Variants in KLHL4 observed in about 807,000 individuals in gnomAD.
KLHL4 encodes kelch like family member 4.
KLHL4 carries 17 observed loss-of-function variants against 45.8 expected under a neutral mutation model. The ratio of observed to expected loss-of-function variants is 0.37; its 90% CI spans 0.25 to 0.56. The LOEUF is 0.56. KLHL4 is among the 20% of genes least tolerant of loss of function. The pLI, the probability that KLHL4 is intolerant of heterozygous loss-of-function variation, is 0.79. For missense variants in KLHL4, 544 were observed against 544.9 expected, an observed-to-expected ratio of 1.00 and a Z score of 0.02; for synonymous variants, 224 against 189.9, an observed-to-expected ratio of 1.18 and a Z score of -1.47.
At chrX:87,641,754 C>G (rs925553163) in intron 9 of KLHL4, among the ~76,000 whole-genome samples, 1 of 110,650 alleles carries the variant, frequency 9.0e-6, no homozygotes, top group Non-Finnish European at 1.9e-5. Flanking sequence ...CTGGGTGAGA[C>G]CTGTGACTGC....
rs78728711 is a variant in KLHL4, at chrX:87,529,064, GAA to G, written c.422+10759_422+10760del. Among the ~76,000 whole-genome samples the G allele has an allele frequency of 5.9e-5, 6 of 101,919 alleles. No individual in the cohort carries two copies. The East Asian group carries it at 9.4e-4, about 16-fold the overall frequency. 88.5% of individuals were successfully genotyped at this position (101,919 alleles called of 115,157 possible). Reference sequence around the variant, plus strand: ...AATTATATATTCAAAGTGATAAAAGGAAAAAAAAAAACCATTGTCTTTCACTA... The same window carrying G: ...AATTATATATTCAAAGTGATAAAAGGAAAAAAAAACCATTGTCTTTCACTA... On this transcript the variant is annotated intron_variant, in intron 1 of 10. Coordinates refer to ENST00000373119, the MANE Select transcript of KLHL4 (RefSeq NM_019117.5).
intron 3 of KLHL4, among the ~76,000 whole-genome samples, 168 bp from the exon 4 acceptor site, chrX:87,617,764 G>A (rs995875994): frequency 2.7e-5 from 3 of 111,381 alleles, no homozygotes; most frequent in African/African-American, 9.8e-5. Context: ...CATCTTATTA[G>A]TGTTTACAGA....
At chrX:87,628,190 A>C (rs2147821629) in intron 6 of KLHL4, among the ~76,000 whole-genome samples, 1 of 111,949 alleles carries the variant, frequency 8.9e-6, no homozygotes, top group South Asian at 3.7e-4. Flanking sequence ...ATGTTACAAT[A>C]ATGTTACCGT....
chrX:87,589,978 C>T (rs1173330984), intron 1 of KLHL4, among the ~76,000 whole-genome samples: 2 of 103,884 alleles, frequency 1.9e-5, no homozygotes, highest in East Asian at 3.2e-4. Flanking sequence ...GCGGAGGTTG[C>T]GGTGAGCCAA....
intron 1 of KLHL4, among the ~76,000 whole-genome samples, chrX:87,576,342 T>C (rs761603443): frequency 1.8e-5 from 2 of 111,780 alleles, no homozygotes; most frequent in African/African-American, 6.5e-5. Context: ...AAAAAAACTT[T>C]ATATGCCAAG....
chrX:87,644,801 A>T (rs1257884841), intron 9 of KLHL4, among the ~76,000 whole-genome samples: 1 of 111,795 alleles, frequency 8.9e-6, no homozygotes, highest in Non-Finnish European at 1.9e-5. Flanking sequence ...AAAGTGGGAA[A>T]AGAACACTGT....
chrX:87,580,460 C>T (rs1207983540), intron 1 of KLHL4, among the ~76,000 whole-genome samples: 3 of 110,849 alleles, frequency 2.7e-5, no homozygotes, highest in African/African-American at 9.8e-5. Context: ...CAACTTTATG[C>T]TGCCTAGAAG....
intron 1 of KLHL4, among the ~76,000 whole-genome samples, chrX:87,567,700 C>A (rs748008330): frequency 2.7e-5 from 3 of 111,357 alleles, no homozygotes; most frequent in Non-Finnish European, 5.7e-5. Flanking sequence ...CGAATTAATG[C>A]AGAAACAGAA....
intron 1 of KLHL4, among the ~76,000 whole-genome samples, chrX:87,538,356 C>G (rs1186086489): frequency 9.0e-6 from 1 of 111,461 alleles, no homozygotes; most frequent in East Asian, 2.8e-4. Flanking sequence ...GCCTAAATAT[C>G]TGAGTGTGAA....
chrX:87,538,823 G>C (rs940091600), intron 1 of KLHL4, among the ~76,000 whole-genome samples: 21 of 111,384 alleles, frequency 1.9e-4, no homozygotes, highest in Admixed American at 9.6e-5. Context: ...TGGAAATTTA[G>C]AGAAACAATA....
At chrX:87,568,669 A>G (rs891412854) in intron 1 of KLHL4, among the ~76,000 whole-genome samples, 1 of 110,970 alleles carries the variant, frequency 9.0e-6, no homozygotes, top group Non-Finnish European at 1.9e-5. Flanking sequence ...ACAAAATAAA[A>G]AAGAAGCTTC....
At chrX:87,640,894 C>A in intron 9 of KLHL4, among the ~76,000 whole-genome samples, 1 of 111,948 alleles carries the variant, frequency 8.9e-6, no homozygotes, top group Non-Finnish European at 1.9e-5. Flanking sequence ...ATAAGGAAGT[C>A]AAACTGTCAC....
At chrX:87,607,257 G>A (rs747768718) in intron 1 of KLHL4, among the ~76,000 whole-genome samples, 2 of 110,671 alleles carry the variant, frequency 1.8e-5, no homozygotes, top group South Asian at 7.7e-4. Flanking sequence ...GCACCCTAGC[G>A]CAACTCTCAA....
intron 4 of KLHL4, among the ~76,000 whole-genome samples, chrX:87,619,166 A>C: frequency 8.9e-6 from 1 of 112,074 alleles, no homozygotes; most frequent in African/African-American, 3.2e-5. Flanking sequence ...TCAGTTATTT[A>C]ATATTAAAAA....
At chrX:87,543,905 G>T (rs1324835340) in intron 1 of KLHL4, among the ~76,000 whole-genome samples, 1 of 111,486 alleles carries the variant, frequency 9.0e-6, no homozygotes, top group Non-Finnish European at 1.9e-5. Context: ...CCCTGAATAA[G>T]CCAGCAGTGA....
chrX:87,560,949 T>G (rs1187105128), intron 1 of KLHL4, among the ~76,000 whole-genome samples: 2 of 111,322 alleles, frequency 1.8e-5, no homozygotes, highest in African/African-American at 6.5e-5. Context: ...GATATCCACA[T>G]GCAGAAGAAT....
intron 1 of KLHL4, among the ~76,000 whole-genome samples, chrX:87,559,801 T>C (rs769597050): frequency 1.9e-4 from 14 of 72,546 alleles, no homozygotes; most frequent in African/African-American, 6.3e-4. Context: ...AACTATAATC[T>C]AAGATGGAAC....
At chrX:87,546,910 A>G (rs1055526537) in intron 1 of KLHL4, among the ~76,000 whole-genome samples, 3 of 112,447 alleles carry the variant, frequency 2.7e-5, no homozygotes, top group Non-Finnish European at 3.8e-5. Flanking sequence ...AATTTCTTCC[A>G]TTTGCAAGGG....
chrX:87,621,189 G>A (rs1374631677), intron 4 of KLHL4, among the ~76,000 whole-genome samples: 5 of 111,352 alleles, frequency 4.5e-5, no homozygotes, highest in East Asian at 5.7e-4. Flanking sequence ...CCAATTATTC[G>A]GAGACTAGCT....
Sources: gnomAD v4.1 joint callset for allele counts (sites outside exome capture counted in the v4.1 genomes callset) on GRCh38, gnomAD v4.1.1 for gene constraint, MANE v1.5 for transcripts, NCBI Gene and HGNC (gene_info 2026-07-23, HGNC 2026-07-21) for gene names.